Variants in EIF2S2 observed in about 807,000 individuals in gnomAD.
The protein encoded by EIF2S2 is eukaryotic translation initiation factor 2 subunit beta, also known as eukaryotic translation initiation factor 2 subunit 2.
EIF2S2 carries 4 observed loss-of-function variants against 44.0 expected under a neutral mutation model. The observed-to-expected ratio is 0.09, with a 90% CI of 0.04 to 0.21. The LOEUF (loss-of-function observed/expected upper bound fraction) is 0.21, where lower values mean the gene tolerates loss of function less well. Ranked by LOEUF, EIF2S2 falls within the 10% of genes least tolerant of loss-of-function variation. EIF2S2 has a pLI of 1.00. For missense variants in EIF2S2, 154 were observed against 392.0 expected (o/e 0.39, Z 5.13); for synonymous variants, 108 against 128.3 (o/e 0.84, Z 1.07).
intron 2 of EIF2S2, among the ~76,000 whole-genome samples, chr20:34,105,074 C>T (rs1007612707): frequency 3.3e-5 from 5 of 152,192 alleles, no homozygotes; most frequent in African/African-American, 9.7e-5. Flanking sequence ...TTTCTGCCCA[C>T]ACTCAAATAC....
At chr20:34,098,724 T>C in intron 3 of EIF2S2, 91 bp from the exon 4 acceptor site, 1 of 1,433,330 alleles carries the variant, frequency 7.0e-7, no homozygotes, top group Non-Finnish European at 9.3e-7. Context: ...GAGGAGGTCT[T>C]GCTTTGTTGC....
intron 4 of EIF2S2, among the ~76,000 whole-genome samples, chr20:34,097,906 T>G (rs2034248952): frequency 1.3e-5 from 2 of 152,172 alleles, no homozygotes; most frequent in Non-Finnish European, 2.9e-5. Flanking sequence ...CTATAGCATT[T>G]AGAAACTAAT....
rs1568709534 is a variant in EIF2S2, at chr20:34,088,585, G to A, written c.*1145C>T. The A allele has an allele frequency of 6.5e-6, 1 of 152,694 alleles. No individual in the cohort carries two copies. The highest frequency in any genetic ancestry group is 1.5e-5 in the Non-Finnish European group (1 of 68,068). 9.5% of individuals were successfully genotyped at this position (152,694 alleles called of 1,614,324 possible). On this transcript the variant is annotated 3_prime_UTR_variant, in exon 9 of 9. Transcript: ENST00000374980. ...CAACACAGTCAAGACATTTGGGTCT[G>A]AGTGACTGCTCCTGAGCTGCTTAGT... is the stretch of plus-strand genomic sequence containing the variant.
chr20:34,106,901 G>C (rs2034355954), intron 1 of EIF2S2, among the ~76,000 whole-genome samples: 1 of 152,210 alleles, frequency 6.6e-6, no homozygotes, highest in Non-Finnish European at 1.5e-5. Flanking sequence ...AGCGCAGGAG[G>C]CTGGGTGCGG....
At chr20:34,097,636 ACAAC>A (rs1409991663) in intron 4 of EIF2S2, 120 bp from the exon 5 acceptor site, 33 of 716,156 alleles carry the variant, frequency 4.6e-5, no homozygotes, top group Non-Finnish European at 7.4e-5. Flanking sequence ...AGCTGCATTC[ACAAC>A]AGCCTTAAGC....
chr20:34,088,522 C>A lies in EIF2S2; in HGVS notation c.*1208G>T, dbSNP rs1308748187. ...CTGTTTTAGCCAAGGTGTTTGACAA[C>A]ACTTGGCCTGTACTTTAAGGGTCAC... is the stretch of plus-strand genomic sequence containing the variant. On this transcript the variant is annotated 3_prime_UTR_variant, in exon 9 of 9. Coordinates refer to ENST00000374980, the MANE Select transcript of EIF2S2 (RefSeq NM_003908.5). 1 of 152,690 alleles carries A rather than the reference C, an allele frequency of 6.5e-6. No individual in the cohort carries two copies. The highest frequency in any genetic ancestry group is 1.5e-5 in the Non-Finnish European group (1 of 68,072). The allele number at this position is 152,690 out of a possible 1,614,324, so 9.5% of individuals were successfully genotyped here.
Position 34,089,492 on chromosome 20 carries a change from G to A in EIF2S2, c.*238C>T, listed in dbSNP as rs1368546770. 4 of 465,690 alleles carry A rather than the reference G, an allele frequency of 8.6e-6. No homozygotes were observed. The highest frequency in any genetic ancestry group is 1.5e-5 in the Non-Finnish European group (4 of 267,158). 28.8% of individuals were successfully genotyped at this position (465,690 alleles called of 1,614,324 possible). A position where few individuals can be genotyped will look rare whatever the true frequency, so the allele number is the denominator to read the frequency against. On this transcript the variant is annotated 3_prime_UTR_variant, in exon 9 of 9. Transcript: ENST00000374980. ...TTGCATTTTACAGAAGTCTATGAAC[G>A]ATTTTAAAAAAGCACCTCCTTACCC... is the stretch of plus-strand genomic sequence containing the variant.
chr20:34,094,937 G>C (rs966250341), intron 6 of EIF2S2, among the ~76,000 whole-genome samples: 15 of 152,206 alleles, frequency 9.9e-5, no homozygotes, highest in African/African-American at 3.4e-4. Context: ...GCGGGAGTAT[G>C]AACTGGCACG....
At chr20:34,097,285 G>T in intron 5 of EIF2S2, 131 bp downstream of exon 5, 1 of 755,858 alleles carries the variant, frequency 1.3e-6, no homozygotes, top group Non-Finnish European at 2.1e-6. Flanking sequence ...CTGTGCACTG[G>T]CTGTGTGACC....
intron 4 of EIF2S2, 51 bp from the exon 5 acceptor site, chr20:34,097,567 A>C (rs2034244945): frequency 6.8e-7 from 1 of 1,469,668 alleles, no homozygotes; most frequent in African/African-American, 1.4e-5. Flanking sequence ...ACTACAATAC[A>C]AAAGTGGGGT....
chr20:34,093,230 G>T (rs1488503396), intron 7 of EIF2S2, among the ~76,000 whole-genome samples: 2 of 152,124 alleles, frequency 1.3e-5, no homozygotes, highest in Admixed American at 1.3e-4. Flanking sequence ...CTGAAGACAG[G>T]TAAGTACCTA....
intron 2 of EIF2S2, among the ~76,000 whole-genome samples, chr20:34,104,961 A>G (rs565230638): frequency 6.6e-6 from 1 of 152,316 alleles, no homozygotes; most frequent in East Asian, 1.9e-4. Flanking sequence ...GTAAGTAACT[A>G]AAGCTGGTGT....
At chr20:34,111,152 T>C (rs2034407527) in intron 1 of EIF2S2, among the ~76,000 whole-genome samples, 1 of 152,192 alleles carries the variant, frequency 6.6e-6, no homozygotes, top group Admixed American at 6.5e-5. Context: ...TGGCAAGTGT[T>C]CACCCCTTAA....
At chr20:34,091,776 TG>T (rs1555812046) in intron 7 of EIF2S2, among the ~76,000 whole-genome samples, 12,862 of 95,818 alleles carry the variant, frequency 0.13, 2,154 homozygotes, top group African/African-American at 0.39. Flanking sequence ...TTTATTTTTT[TG>T]GGGGGGGGGG....
At chr20:34,092,542 C>T (rs2034178536) in intron 7 of EIF2S2, among the ~76,000 whole-genome samples, 2 of 152,272 alleles carry the variant, frequency 1.3e-5, no homozygotes, top group South Asian at 2.1e-4. Flanking sequence ...GTGGCGGGCG[C>T]CTGTAGTCCC....
chr20:34,098,380 A>G, intron 4 of EIF2S2, 118 bp downstream of exon 4: 1 of 1,084,878 alleles, frequency 9.2e-7, no homozygotes, highest in South Asian at 1.7e-5. Context: ...TTCCATTATC[A>G]GTCAGTAGAA....
At chr20:34,094,534 TAATC>T (rs2034204917) in intron 6 of EIF2S2, among the ~76,000 whole-genome samples, 3 of 152,172 alleles carry the variant, frequency 2.0e-5, no homozygotes. Flanking sequence ...ATATATATGT[TAATC>T]CATATATATT....
intron 7 of EIF2S2, among the ~76,000 whole-genome samples, chr20:34,092,039 ATCAT>A (rs991699228): frequency 2.6e-4 from 40 of 152,210 alleles, no homozygotes; most frequent in African/African-American, 9.4e-4. Context: ...GCTAGATATT[ATCAT>A]TCATTCAAAA....
intron 1 of EIF2S2, among the ~76,000 whole-genome samples, chr20:34,109,687 C>CA (rs2034389527): frequency 6.6e-6 from 1 of 150,426 alleles, no homozygotes; most frequent in African/African-American, 2.4e-5. Flanking sequence ...CAAAAACAAA[C>CA]AAAAAAAATC....
Sources: gnomAD v4.1 joint callset for allele counts (sites outside exome capture counted in the v4.1 genomes callset) on GRCh38, gnomAD v4.1.1 for gene constraint, MANE v1.5 for transcripts, NCBI Gene and HGNC (gene_info 2026-07-23, HGNC 2026-07-21) for gene names.